Variants in ANTXR2 observed in about 807,000 individuals in gnomAD.
The protein encoded by ANTXR2 is anthrax toxin receptor 2.
In ANTXR2, 44 loss-of-function variants were observed where a neutral mutation model predicts 73.7. The observed-to-expected ratio is 0.60, with a 90% CI of 0.47 to 0.77. The LOEUF (loss-of-function observed/expected upper bound fraction) is 0.77. Ranked by LOEUF, ANTXR2 falls within the 30% of genes least tolerant of loss-of-function variation. ANTXR2 has a pLI of 0.00. For missense variants in ANTXR2, 604 were observed against 592.5 expected (o/e 1.02, Z -0.20); for synonymous variants, 217 against 205.9 (o/e 1.05, Z -0.46).
chr4:79,999,829 A>G (rs1263228917), intron 12 of ANTXR2, among the ~76,000 whole-genome samples: 1 of 151,978 alleles, frequency 6.6e-6, no homozygotes, highest in African/African-American at 2.4e-5. Flanking sequence ...AAGCTGAGGC[A>G]GGAGGATCCC....
At position 79,978,483 on chromosome 4, in the gene ANTXR2, A is replaced by G. The variant is rs532115284; in HGVS notation, c.1180-309T>C. On this transcript the variant is annotated intron_variant, in intron 14 of 16. Transcript: ENST00000403729. ...TTGTGGTTTACATATGAAATGCATGACAGTGTGTAATTTTGTTCTCTAATT... is the reference window on the plus strand; with the variant it reads ...TTGTGGTTTACATATGAAATGCATGGCAGTGTGTAATTTTGTTCTCTAATT... Among the ~76,000 whole-genome samples the G allele has an allele frequency of 3.9e-5, 6 of 152,272 alleles. No individual in the cohort carries two copies. In the South Asian group the frequency reaches 1.2e-3, roughly 32 times the overall value.
chr4:79,989,858 A>G (rs1421266930), intron 12 of ANTXR2, among the ~76,000 whole-genome samples: 1 of 152,174 alleles, frequency 6.6e-6, no homozygotes, highest in African/African-American at 2.4e-5. Context: ...GATTCATTAC[A>G]TGAACAGAAC....
At chr4:80,036,140 G>C in intron 7 of ANTXR2, 108 bp from the exon 8 acceptor site, 1 of 886,704 alleles carries the variant, frequency 1.1e-6, no homozygotes. Context: ...TACTTCAATA[G>C]ATCTCAGAGA....
intron 16 of ANTXR2, among the ~76,000 whole-genome samples, chr4:79,931,422 T>A (rs1193213923): frequency 6.7e-6 from 1 of 149,180 alleles, no homozygotes; most frequent in Non-Finnish European, 1.5e-5. Flanking sequence ...CAACAGTGAG[T>A]AAAATGTTCT....
chr4:79,921,913 C>T (rs1182681218), intron 16 of ANTXR2, among the ~76,000 whole-genome samples: 1 of 151,900 alleles, frequency 6.6e-6, no homozygotes, highest in Non-Finnish European at 1.5e-5. Context: ...CAATTTTAAA[C>T]AATCACTGAG....
intron 11 of ANTXR2, among the ~76,000 whole-genome samples, chr4:80,018,323 C>G (rs966829666): frequency 6.6e-6 from 1 of 152,200 alleles, no homozygotes; most frequent in Non-Finnish European, 1.5e-5. Context: ...AAGAAAATGT[C>G]TACTGAATGG....
At chr4:79,937,321 G>GA (rs1578098896) in intron 16 of ANTXR2, among the ~76,000 whole-genome samples, 1 of 152,120 alleles carries the variant, frequency 6.6e-6, no homozygotes, top group South Asian at 2.1e-4. Context: ...TTGAGCAGAA[G>GA]AAAAAAAATT....
chr4:79,918,677 A>C (rs954996546), intron 16 of ANTXR2, among the ~76,000 whole-genome samples: 4 of 152,144 alleles, frequency 2.6e-5, no homozygotes, highest in Non-Finnish European at 4.4e-5. Flanking sequence ...ATAGCTTTTA[A>C]CAAGTGCGAA....
chr4:80,067,688 GATTC>G (rs33990934), intron 3 of ANTXR2, among the ~76,000 whole-genome samples: 84,340 of 151,542 alleles, frequency 0.56, 25,100 homozygotes, highest in African/African-American at 0.78. Context: ...CTCCTGATGA[GATTC>G]ATTCTCATCC....
chr4:79,936,373 TCTC>T (rs1320952311), intron 16 of ANTXR2, among the ~76,000 whole-genome samples: 1 of 152,180 alleles, frequency 6.6e-6, no homozygotes, highest in Non-Finnish European at 1.5e-5. Flanking sequence ...CCATTACTAT[TCTC>T]CTTCACAACC....
At chr4:79,919,281 T>C (rs996523459) in intron 16 of ANTXR2, among the ~76,000 whole-genome samples, 6 of 152,150 alleles carry the variant, frequency 3.9e-5, no homozygotes, top group Admixed American at 1.3e-4. Flanking sequence ...GAAGGATAAA[T>C]GGAGAAGCAA....
chr4:80,036,136 A>G (rs1732947769), intron 7 of ANTXR2, 104 bp from the exon 8 acceptor site: 1 of 919,240 alleles, frequency 1.1e-6, no homozygotes, highest in Admixed American at 3.4e-5. Context: ...TCCATACTTC[A>G]ATAGATCTCA....
intron 16 of ANTXR2, among the ~76,000 whole-genome samples, chr4:79,955,625 G>A (rs1728859245): frequency 6.6e-6 from 1 of 152,104 alleles, no homozygotes; most frequent in African/African-American, 2.4e-5. Context: ...CATATTCATA[G>A]AGCTGGGTTG....
At chr4:79,926,965 ATG>A (rs1454700058) in intron 16 of ANTXR2, among the ~76,000 whole-genome samples, 1 of 46,446 alleles carries the variant, frequency 2.2e-5, no homozygotes, top group Admixed American at 2.7e-4. Context: ...GTGTGCATAT[ATG>A]TGTATATATA....
chr4:79,904,942 T>G lies in ANTXR2; in HGVS notation c.*2487A>C, dbSNP rs939221710. 2 of 152,196 alleles carry G rather than the reference T, an allele frequency of 1.3e-5. No individual in the cohort carries two copies. The highest frequency in any genetic ancestry group is 4.8e-5 in the African/African-American group (2 of 41,456). The allele number at this position is 152,196 out of a possible 1,614,324, so 9.4% of individuals were successfully genotyped here. A position where few individuals can be genotyped will look rare whatever the true frequency, so the allele number is the denominator to read the frequency against. On this transcript the variant is annotated 3_prime_UTR_variant, in exon 17 of 17. Transcript: ENST00000403729. The stretch of plus-strand genomic sequence containing the variant: ...CTCTTCAAAACAAATTCTTTTCAAC[T>G]GCTAGTTAGTATAATTGGAGAAAAG...
chr4:80,072,868 G>C lies in ANTXR2; in HGVS notation c.-308C>G, dbSNP rs148404370. 724 of 440,918 alleles carry C rather than the reference G, an allele frequency of 1.6e-3. 12 individuals are homozygous for C. The highest frequency in any genetic ancestry group is 0.013 in the African/African-American group (629 of 48,936). 27.3% of individuals were successfully genotyped at this position (440,918 alleles called of 1,614,324 possible). A position where few individuals can be genotyped will look rare whatever the true frequency, so the allele number is the denominator to read the frequency against. On this transcript the variant is annotated 5_prime_UTR_variant, in exon 1 of 17. Transcript: ENST00000403729. The stretch of plus-strand genomic sequence containing the variant: ...GTTCCTGCAGACAATGCGGGCCCAC[G>C]GCGACAGCTCGCGAAAGGAGTTCCT...
chr4:79,944,920 A>T (rs1560888395), intron 16 of ANTXR2, among the ~76,000 whole-genome samples: 1 of 152,168 alleles, frequency 6.6e-6, no homozygotes, highest in Non-Finnish European at 1.5e-5. Context: ...ATTGCCTAAC[A>T]ACACTTCAAT....
At chr4:80,007,768 C>G (rs1021195503) in intron 12 of ANTXR2, among the ~76,000 whole-genome samples, 1 of 152,136 alleles carries the variant, frequency 6.6e-6, no homozygotes, top group African/African-American at 2.4e-5. Flanking sequence ...CTGGAAAAGG[C>G]AAAGGAATGG....
At chr4:79,983,127 C>A (rs1578129162) in intron 14 of ANTXR2, among the ~76,000 whole-genome samples, 1 of 152,010 alleles carries the variant, frequency 6.6e-6, no homozygotes, top group East Asian at 1.9e-4. Flanking sequence ...GGAAGGAATG[C>A]CAGAATTTAA....
Sources: allele counts gnomAD v4.1 joint callset (sites outside exome capture counted in the v4.1 genomes callset), GRCh38; gene constraint gnomAD v4.1.1; transcripts MANE v1.5; gene names NCBI Gene and HGNC (gene_info 2026-07-23, HGNC 2026-07-21).